TMEM116: variants seen among roughly 807,000 people sequenced by gnomAD.
The protein encoded by TMEM116 is transmembrane protein 116.
Under a neutral mutation model 44.3 loss-of-function variants are expected in TMEM116, and 38 were observed. The ratio of observed to expected loss-of-function variants is 0.86; its 90% CI spans 0.66 to 1.12. The LOEUF (loss-of-function observed/expected upper bound fraction) is 1.12. Among genes scored for constraint, TMEM116 ranks in the 50% most tolerant of loss-of-function variants. The probability of loss-of-function intolerance (pLI) is 0.00; values close to 1 mark genes in which losing one functional copy is unlikely to be tolerated. For synonymous variants in TMEM116, 132 were observed against 144.8 expected, an observed-to-expected ratio of 0.91 and a Z score of 0.64; for missense variants, 354 against 401.7, an observed-to-expected ratio of 0.88 and a Z score of 1.01.
chr12:112,005,769 G>A (rs1191234584), intron 1 of TMEM116: 6 of 946,716 alleles, frequency 6.3e-6, no homozygotes, highest in East Asian at 1.2e-4. Context: ...GGAAAGAATA[G>A]GTAACAGAAG....
chr12:111,941,014 A>G (rs1428448904), intron 5 of TMEM116, among the ~76,000 whole-genome samples: 4 of 152,228 alleles, frequency 2.6e-5, no homozygotes, highest in Non-Finnish European at 5.9e-5. Flanking sequence ...CAGTTACAGA[A>G]TACTAAAGGA....
In TMEM116 at chr12:111,938,172, A is replaced by G; in HGVS notation, c.354T>C (p.Phe118=). 1 of 1,598,640 alleles carries G rather than the reference A, an allele frequency of 6.3e-7. No homozygotes were observed. Among genetic ancestry groups the G allele is most frequent in the South Asian group, 1.1e-5 (1 of 87,460 alleles). Residue 118 remains phenylalanine (F), a synonymous_variant, in exon 6 of 11, where the codon TTT becomes TTC. Transcript: ENST00000552374. ...DYTCRVCQMA[F]VFSSLIPLLL... is the part of the protein sequence containing the mutation. ...AGAAAAAATTTTACCTTGAGAAAAC[A>G]AAGGCCATTTGACAAACTCGACAAG...
rs144389819 is a variant in TMEM116 at position 111,982,045 on chromosome 12, T to C, written c.210+9713A>G. 1.3e-3 allele frequency among the ~76,000 whole-genome samples: 198 copies of C among 152,230 alleles called. 1 individual carries two copies. Among genetic ancestry groups the C allele is most frequent in the African/African-American group, 4.6e-3 (189 of 41,536 alleles). The stretch of plus-strand genomic sequence containing the variant: ...AGAACTAGGAGGTGGGGAGGAAGCA[T>C]ACTGGGGATACATTGGTCAAAGTAT... On this transcript the variant is annotated intron_variant, in intron 4 of 10. Coordinates refer to ENST00000552374, the MANE Select transcript of TMEM116 (RefSeq NM_001193531.2).
rs112013265 is a variant in TMEM116 at position 111,946,587 on chromosome 12, C to T, written c.211-3218G>A. Among the ~76,000 whole-genome samples the T allele has an allele frequency of 6.4e-3, 982 of 152,256 alleles. 17 individuals are homozygous for T. Among genetic ancestry groups the T allele is most frequent in the African/African-American group, 0.022 (932 of 41,536 alleles). ...GGCCAGGTGTTCCTTGCCCTCATTC[C>T]AGTAAACCCACAACCTTCAGCGTGG... On this transcript the variant is annotated intron_variant, in intron 4 of 10. Transcript: ENST00000552374.
At chr12:111,969,848 GGGATTACA>G (rs1303068936) in intron 4 of TMEM116, among the ~76,000 whole-genome samples, 1 of 152,108 alleles carries the variant, frequency 6.6e-6, no homozygotes, top group Non-Finnish European at 1.5e-5. Context: ...TCAAAGTGCG[GGGATTACA>G]GGTGTGAGCC....
chr12:111,990,111 C>A (rs2076463018), intron 4 of TMEM116, among the ~76,000 whole-genome samples: 1 of 151,922 alleles, frequency 6.6e-6, no homozygotes, highest in South Asian at 2.1e-4. Flanking sequence ...AAAAATTAGC[C>A]AGGCGTGGTG....
chr12:111,945,242 G>A (rs922498778), intron 4 of TMEM116, among the ~76,000 whole-genome samples: 2 of 149,694 alleles, frequency 1.3e-5, no homozygotes, highest in Non-Finnish European at 3.0e-5. Flanking sequence ...TACTTGGGAG[G>A]CTGAGGCAGG....
At chr12:111,940,129 C>T (rs565054983) in intron 5 of TMEM116, among the ~76,000 whole-genome samples, 48 of 151,388 alleles carry the variant, frequency 3.2e-4, no homozygotes, top group African/African-American at 9.2e-4. Flanking sequence ...AAAAATTAGC[C>T]GGGTGTGGTG....
rs780295629 is a variant in TMEM116, at chr12:111,938,228, G to A, written c.316-18C>T. ...TCTATCACCTGTGAAAAGAATAAATGTGAGAAATGTCTTAAGACATTGTCA... is the reference window on the plus strand; with the variant it reads ...TCTATCACCTGTGAAAAGAATAAATATGAGAAATGTCTTAAGACATTGTCA... On this transcript the variant is annotated intron_variant, in intron 5 of 10. Transcript: ENST00000552374. The A allele has an allele frequency of 1.0e-5, 16 of 1,544,666 alleles. No individual in the cohort carries two copies. Among genetic ancestry groups the A allele is most frequent in the African/African-American group, 1.4e-5 (1 of 71,750 alleles).
intron 8 of TMEM116, chr12:111,935,012 G>C (rs973196754): frequency 6.6e-6 from 1 of 152,120 alleles, no homozygotes; most frequent in African/African-American, 2.4e-5. Context: ...CATGTACATA[G>C]TCTCTTTTCC....
intron 1 of TMEM116, among the ~76,000 whole-genome samples, chr12:112,009,429 A>C (rs896496997): frequency 6.6e-6 from 1 of 152,110 alleles, no homozygotes; most frequent in South Asian, 2.1e-4. Flanking sequence ...CCATATGTCA[A>C]GGATCTTAGT....
chr12:111,938,863 A>T (rs996560666), intron 5 of TMEM116, among the ~76,000 whole-genome samples: 14 of 151,364 alleles, frequency 9.2e-5, no homozygotes, highest in African/African-American at 3.4e-4. Flanking sequence ...TAATAGAATT[A>T]AAAATAAGCT....
chr12:111,946,804 G>A (rs2073320656), intron 4 of TMEM116, among the ~76,000 whole-genome samples: 1 of 152,090 alleles, frequency 6.6e-6, no homozygotes, highest in Non-Finnish European at 1.5e-5. Flanking sequence ...ACCCATTTAT[G>A]CCTAGTGTTC....
intron 4 of TMEM116, among the ~76,000 whole-genome samples, chr12:111,966,903 T>A (rs1317544455): frequency 1.8e-4 from 27 of 152,202 alleles, no homozygotes; most frequent in Admixed American, 1.8e-3. Context: ...GGTCAGCCTA[T>A]CTTGTCAGAC....
chr12:111,975,204 G>T (rs537441815), intron 4 of TMEM116, among the ~76,000 whole-genome samples: 1 of 152,350 alleles, frequency 6.6e-6, no homozygotes, highest in African/African-American at 2.4e-5. Context: ...GAGTGCAGTG[G>T]CACGATCAGG....
Position 111,991,899 on chromosome 12 carries a change from T to C in TMEM116, c.79-10A>G, listed in dbSNP as rs1450982039. The C allele has an allele frequency of 5.2e-6, 8 of 1,533,662 alleles. No individual in the cohort carries two copies. Among genetic ancestry groups the C allele is most frequent in the African/African-American group, 1.4e-5 (1 of 72,950 alleles). On this transcript the variant is annotated splice_polypyrimidine_tract_variant and intron_variant, in intron 3 of 10. Transcript: ENST00000552374. Reference sequence around the variant, plus strand: ...AAAAAAGTGGTCTTATCTGTCAAAGTAATAAAATCCTCATTTCATATGTGA... The same window carrying C: ...AAAAAAGTGGTCTTATCTGTCAAAGCAATAAAATCCTCATTTCATATGTGA...
intron 8 of TMEM116, 122 bp downstream of exon 8, chr12:111,936,570 T>C (rs1040726788): frequency 1.9e-6 from 2 of 1,073,116 alleles, no homozygotes; most frequent in Non-Finnish European, 2.6e-6. Flanking sequence ...TCCTAGCTAC[T>C]TTCTTAGTTC....
At chr12:112,000,795 C>G in intron 3 of TMEM116, 1 of 528,680 alleles carries the variant, frequency 1.9e-6, no homozygotes, top group South Asian at 1.4e-5. Flanking sequence ...CAATGGCATT[C>G]TCATCACAGT....
chr12:111,995,815 G>C (rs551424578), intron 3 of TMEM116, among the ~76,000 whole-genome samples: 6 of 151,808 alleles, frequency 4.0e-5, no homozygotes, highest in Admixed American at 3.9e-4. Flanking sequence ...AGGACTGCTT[G>C]AGCCCAGGAG....
Sources: allele counts gnomAD v4.1 joint callset (sites outside exome capture counted in the v4.1 genomes callset), GRCh38; gene constraint gnomAD v4.1.1; transcripts MANE v1.5; gene names NCBI Gene and HGNC (gene_info 2026-07-23, HGNC 2026-07-21).